The following ZNF407 variants were observed in gnomAD, a reference collection of about 807,000 sequenced individuals.
ZNF407 encodes the protein zinc finger protein 407.
In ZNF407, 17 loss-of-function variants were observed where a neutral mutation model predicts 131.2. The observed-to-expected ratio is 0.13, with a 90% CI of 0.09 to 0.19. The LOEUF (loss-of-function observed/expected upper bound fraction) is 0.19, where lower values mean the gene tolerates loss of function less well. ZNF407 is among the 10% of genes least tolerant of loss of function. The probability of loss-of-function intolerance (pLI) is 1.00; values close to 1 mark genes in which losing one functional copy is unlikely to be tolerated. For synonymous variants in ZNF407, 1,156 were observed against 1,062.0 expected (o/e 1.09, Z -1.72); for missense variants, 2,681 against 2,830.6 (o/e 0.95, Z 1.20).
chr18:74,975,470 T>C (rs1280268263), intron 8 of ZNF407, among the ~76,000 whole-genome samples: 1 of 152,152 alleles, frequency 6.6e-6, no homozygotes, highest in Admixed American at 6.6e-5. Flanking sequence ...CATAAAGATA[T>C]AAGTTGTTTG....
chr18:74,629,457 T>C (rs1568319734), intron 1 of ZNF407, among the ~76,000 whole-genome samples: 4 of 152,246 alleles, frequency 2.6e-5, no homozygotes, highest in Admixed American at 1.3e-4. Flanking sequence ...TTATCAGATA[T>C]CTGATTTGCA....
chr18:74,881,019 G>A lies in ZNF407; in HGVS notation c.5045-17G>A. ...CTGTGACCTCCGCAGTCCCTCATCT[G>A]TTTGTTGTTGCAACAGGCGAGAAGT... On this transcript the variant is annotated splice_polypyrimidine_tract_variant and intron_variant, in intron 5 of 8. Coordinates refer to ENST00000299687, the MANE Select transcript of ZNF407 (RefSeq NM_017757.3). The A allele has an allele frequency of 6.3e-7, 1 of 1,585,268 alleles. No homozygotes were observed. The highest frequency in any genetic ancestry group is 8.6e-7 in the Non-Finnish European group (1 of 1,164,778).
At chr18:74,872,385 G>C (rs528228414) in intron 4 of ZNF407, among the ~76,000 whole-genome samples, 12 of 151,946 alleles carry the variant, frequency 7.9e-5, no homozygotes, top group African/African-American at 2.7e-4. Context: ...CATTTTCACT[G>C]TATTATAATA....
At chr18:74,911,616 A>G (rs1045967283) in intron 7 of ZNF407, among the ~76,000 whole-genome samples, 2 of 152,130 alleles carry the variant, frequency 1.3e-5, no homozygotes, top group Non-Finnish European at 2.9e-5. Context: ...AAAAGAAACA[A>G]TTGGCCACCG....
At chr18:74,780,937 G>T (rs993520150) in intron 3 of ZNF407, among the ~76,000 whole-genome samples, 1 of 152,082 alleles carries the variant, frequency 6.6e-6, no homozygotes, top group African/African-American at 2.4e-5. Flanking sequence ...TATAGATACA[G>T]TAAACATTTG....
intron 8 of ZNF407, among the ~76,000 whole-genome samples, chr18:75,018,072 A>ATATT (rs2122196281): frequency 6.6e-6 from 1 of 152,346 alleles, no homozygotes; most frequent in African/African-American, 2.4e-5. Context: ...AGTATAATTG[A>ATATT]TATTTGCACA....
intron 8 of ZNF407, among the ~76,000 whole-genome samples, chr18:75,038,857 T>C (rs1335953539): frequency 6.6e-6 from 1 of 152,248 alleles, no homozygotes; most frequent in Non-Finnish European, 1.5e-5. Context: ...GTTTTTACTG[T>C]CAAGAAAACT....
chr18:74,674,509 T>A (rs1469161142), intron 3 of ZNF407, among the ~76,000 whole-genome samples: 1 of 152,234 alleles, frequency 6.6e-6, no homozygotes, highest in Non-Finnish European at 1.5e-5. Flanking sequence ...CTTAAAATAC[T>A]TTTTTCATGG....
intron 3 of ZNF407, among the ~76,000 whole-genome samples, chr18:74,738,809 CTGAA>C (rs1445781159): frequency 6.6e-6 from 1 of 152,054 alleles, no homozygotes; most frequent in Non-Finnish European, 1.5e-5. Flanking sequence ...TTCATCCTGA[CTGAA>C]TGAACACTGG....
intron 7 of ZNF407, among the ~76,000 whole-genome samples, chr18:74,895,049 G>A (rs1971435048): frequency 6.6e-6 from 1 of 152,024 alleles, no homozygotes; most frequent in African/African-American, 2.4e-5. Context: ...TCGTGGAGCA[G>A]AAGAATAGAA....
At chr18:74,622,994 G>A (rs950788087) in intron 1 of ZNF407, among the ~76,000 whole-genome samples, 1 of 151,776 alleles carries the variant, frequency 6.6e-6, no homozygotes, top group South Asian at 2.1e-4. Flanking sequence ...ATGTGAGTCC[G>A]TGTGTCTGTT....
Position 74,983,934 on chromosome 18 carries a change from G to T in ZNF407, c.5428+63242G>T, listed in dbSNP as rs1190272684. 1.3e-5 allele frequency among the ~76,000 whole-genome samples: 2 copies of T among 152,172 alleles called. 1 individual carries two copies. Among genetic ancestry groups the T allele is most frequent in the East Asian group, 3.8e-4 (2 of 5,202 alleles). ...AAAGATGAAGGGGAAAGAACTGGCA[G>T]GTCTATCTCATTTGATCTTCTTGTA... On this transcript the variant is annotated intron_variant, in intron 8 of 8. Transcript: ENST00000299687.
chr18:74,901,950 T>C (rs1971531672), intron 7 of ZNF407, among the ~76,000 whole-genome samples: 1 of 152,112 alleles, frequency 6.6e-6, no homozygotes, highest in Admixed American at 6.5e-5. Context: ...GGAATATGTG[T>C]TTTCCTTAGC....
chr18:74,730,040 A>G (rs886796349), intron 3 of ZNF407, among the ~76,000 whole-genome samples: 10 of 152,190 alleles, frequency 6.6e-5, no homozygotes, highest in Non-Finnish European at 1.5e-4. Flanking sequence ...ATGACTCAGT[A>G]TTCATTCAAC....
intron 4 of ZNF407, among the ~76,000 whole-genome samples, chr18:74,808,776 G>A (rs1970151548): frequency 6.6e-6 from 1 of 152,160 alleles, no homozygotes; most frequent in African/African-American, 2.4e-5. Context: ...AAGTGCTTGT[G>A]CTTGTTGAGT....
intron 3 of ZNF407, among the ~76,000 whole-genome samples, chr18:74,737,366 C>T (rs1331217598): frequency 1.3e-5 from 2 of 152,176 alleles, no homozygotes; most frequent in African/African-American, 4.8e-5. Flanking sequence ...TTTGAAAATA[C>T]TATCTTACTC....
intron 7 of ZNF407, among the ~76,000 whole-genome samples, chr18:74,892,888 T>G (rs1971404707): frequency 6.6e-6 from 1 of 152,148 alleles, no homozygotes; most frequent in Non-Finnish European, 1.5e-5. Flanking sequence ...TGTTCCAGAT[T>G]TTTTAAAATG....
In ZNF407 at chr18:74,633,549, C is replaced by T. The variant is rs758129085; in HGVS notation, c.2530C>T (p.Pro844Ser). 2 of 1,613,828 alleles carry T rather than the reference C, an allele frequency of 1.2e-6. No individual in the cohort carries two copies. The highest frequency in any genetic ancestry group is 1.7e-6 in the Non-Finnish European group (2 of 1,179,854). Reference protein sequence around the residue: ...ASTTTPKRGRPKGNISRTCSH... With the variant: ...ASTTTPKRGRSKGNISRTCSH... The stretch of plus-strand genomic sequence containing the variant: ...AACCACTACTCCAAAGAGAGGGAGA[C>T]CTAAAGGTAACATCTCACGGACGTG... Residue 844 changes from proline (P) to serine (S), a missense_variant, in exon 2 of 9, where the codon CCT becomes TCT. Around this residue, in one of 6 missense-constraint regions of ZNF407, gnomAD observed 1,789 missense variants for 1,748.7 expected, o/e 1.02. Transcript: ENST00000299687.
chr18:74,640,247 AAAT>A (rs2144687220), intron 2 of ZNF407, among the ~76,000 whole-genome samples: 1 of 152,198 alleles, frequency 6.6e-6, no homozygotes, highest in East Asian at 1.9e-4. Context: ...GTAGACTTTG[AAAT>A]AATCTTATTT....
Sources: gnomAD v4.1 joint callset for allele counts (sites outside exome capture counted in the v4.1 genomes callset) on GRCh38, gnomAD v4.1.1 for gene constraint, gnomAD v4.1.1 regional missense constraint, MANE v1.5 for transcripts, NCBI Gene and HGNC (gene_info 2026-07-23, HGNC 2026-07-21) for gene names.